RBFOX1: variants seen among roughly 807,000 people sequenced by gnomAD.
RBFOX1 encodes the protein RNA binding protein fox-1 homolog 1.
A neutral mutation model predicts 57.7 loss-of-function variants in RBFOX1; 8 were observed. The ratio of observed to expected loss-of-function variants is 0.14; its 90% CI spans 0.08 to 0.25. RBFOX1 has a LOEUF of 0.25. RBFOX1 is among the 10% of genes least tolerant of loss of function. The pLI, the probability that RBFOX1 is intolerant of heterozygous loss-of-function variation, is 1.00. For missense variants in RBFOX1, 611 were observed against 548.5 expected (o/e 1.11, Z -1.14); for synonymous variants, 326 against 222.4 (o/e 1.47, Z -4.15).
chr16:7,024,083 G>A (rs569340934), intron 3 of RBFOX1, among the ~76,000 whole-genome samples: 1 of 152,086 alleles, frequency 6.6e-6, no homozygotes, highest in Non-Finnish European at 1.5e-5. Flanking sequence ...AGCAGGGTGT[G>A]GCTTGGCTTA....
intron 2 of RBFOX1, among the ~76,000 whole-genome samples, chr16:6,518,194 T>G (rs1297379957): frequency 1.3e-5 from 2 of 152,204 alleles, no homozygotes; most frequent in Non-Finnish European, 2.9e-5. Context: ...TTAAATAAAC[T>G]TGATAAGGTT....
intron 4 of RBFOX1, among the ~76,000 whole-genome samples, chr16:7,472,771 A>G (rs2061804293): frequency 6.6e-6 from 1 of 152,214 alleles, no homozygotes; most frequent in Admixed American, 6.5e-5. Flanking sequence ...ACTAAGGATA[A>G]AAGTTACAGA....
intron 3 of RBFOX1, among the ~76,000 whole-genome samples, chr16:5,700,070 G>C (rs1379852171): frequency 6.6e-6 from 1 of 152,162 alleles, no homozygotes; most frequent in Non-Finnish European, 1.5e-5. Context: ...CTGACCTCAT[G>C]ATCTGCCCGC....
intron 4 of RBFOX1, among the ~76,000 whole-genome samples, chr16:7,104,401 C>T (rs767340635): frequency 6.6e-6 from 1 of 152,084 alleles, no homozygotes; most frequent in Non-Finnish European, 1.5e-5. Flanking sequence ...GGACAGTATG[C>T]CCCTCTGATT....
At chr16:6,186,160 C>G (rs907925544) in intron 1 of RBFOX1, among the ~76,000 whole-genome samples, 1 of 152,136 alleles carries the variant, frequency 6.6e-6, no homozygotes, top group Non-Finnish European at 1.5e-5. Flanking sequence ...CAAAACAATG[C>G]CAAAAAAATC....
rs1264999343 is a variant in RBFOX1 at position 7,680,893 on chromosome 16, CACACACACGT to C, written c.995+4064_995+4073del. Among the ~76,000 whole-genome samples, 5 of 119,612 alleles carry C rather than the reference CACACACACGT, an allele frequency of 4.2e-5. No individual in the cohort carries two copies. The South Asian group carries it at 8.3e-4, about 20-fold the overall frequency. 78.5% of individuals were successfully genotyped at this position (119,612 alleles called of 152,430 possible). On this transcript the variant is annotated intron_variant, in intron 14 of 15. Coordinates refer to ENST00000550418, the MANE Select transcript of RBFOX1 (RefSeq NM_018723.4). ...ATGCCATATTATCTTCCTCTCTGCACACACACACGTACACACACACACACTCACTTGTGCC... is the reference window on the plus strand; with the variant it reads ...ATGCCATATTATCTTCCTCTCTGCACACACACACACACACTCACTTGTGCC...
At chr16:5,540,035 C>A (rs2044867907) in intron 2 of RBFOX1, among the ~76,000 whole-genome samples, 1 of 152,068 alleles carries the variant, frequency 6.6e-6, no homozygotes, top group African/African-American at 2.4e-5. Flanking sequence ...CTGATTTCTG[C>A]CAATCTTCTG....
At position 7,500,606 on chromosome 16, in the gene RBFOX1, G is replaced by A. The variant is rs1416529439; in HGVS notation, c.28-17541G>A. Reference sequence around the variant, plus strand: ...GTTTGATGCATTGGAAATACCTCTAGGGTTCATATCACTAGATATGATTTG... The same window carrying A: ...GTTTGATGCATTGGAAATACCTCTAAGGTTCATATCACTAGATATGATTTG... On this transcript the variant is annotated intron_variant, in intron 4 of 15. Coordinates refer to ENST00000550418, the MANE Select transcript of RBFOX1 (RefSeq NM_018723.4). Among the ~76,000 whole-genome samples, 3 of 152,254 alleles carry A rather than the reference G, an allele frequency of 2.0e-5. No individual in the cohort carries two copies. The South Asian group carries it at 6.2e-4, about 32-fold the overall frequency.
At position 7,518,134 on chromosome 16, in the gene RBFOX1, T is replaced by C. The variant is rs200813556; in HGVS notation, c.28-13T>C. ...GACGTTCTCTCCCTCTCTGCACCTT[T>C]TTGATTTTTCAGGGTAATCAGGAAG... On this transcript the variant is annotated splice_polypyrimidine_tract_variant and intron_variant, in intron 4 of 15. Coordinates refer to ENST00000550418, the MANE Select transcript of RBFOX1 (RefSeq NM_018723.4). The C allele has an allele frequency of 3.2e-5, 52 of 1,605,974 alleles. No homozygotes were observed. In the Admixed American group the frequency reaches 8.8e-4, roughly 27 times the overall value.
intron 3 of RBFOX1, among the ~76,000 whole-genome samples, chr16:6,746,942 C>G (rs1331354033): frequency 1.3e-5 from 2 of 152,090 alleles, no homozygotes; most frequent in East Asian, 3.9e-4. Context: ...AGGTGTCTCA[C>G]TTGGGCTCAA....
chr16:5,272,311 AC>A (rs1332729014), intron 1 of RBFOX1, among the ~76,000 whole-genome samples: 3 of 152,242 alleles, frequency 2.0e-5, no homozygotes, highest in Non-Finnish European at 2.9e-5. Flanking sequence ...AGATATCAAA[AC>A]ATCACATAAA....
chr16:6,907,247 C>G (rs958692484), intron 3 of RBFOX1, among the ~76,000 whole-genome samples: 4 of 152,068 alleles, frequency 2.6e-5, no homozygotes, highest in Non-Finnish European at 4.4e-5. Context: ...GGATGGCCCC[C>G]GAAGCAAAGC....
At chr16:5,573,774 C>T (rs540979571) in intron 2 of RBFOX1, among the ~76,000 whole-genome samples, 5 of 152,140 alleles carry the variant, frequency 3.3e-5, no homozygotes, top group Admixed American at 6.5e-5. Context: ...CCAGCCTGGG[C>T]AACATGGCAA....
At chr16:5,363,459 C>G (rs2065612205) in intron 1 of RBFOX1, among the ~76,000 whole-genome samples, 1 of 152,182 alleles carries the variant, frequency 6.6e-6, no homozygotes, top group African/African-American at 2.4e-5. Flanking sequence ...CCTTCTCTAG[C>G]TTCAGTTGCA....
intron 3 of RBFOX1, among the ~76,000 whole-genome samples, chr16:6,937,492 G>T (rs2077575981): frequency 6.6e-6 from 1 of 152,112 alleles, no homozygotes; most frequent in Non-Finnish European, 1.5e-5. Context: ...TATTCTGAGT[G>T]ACATAGGAGT....
At chr16:5,258,053 A>C (rs1211300436) in intron 1 of RBFOX1, among the ~76,000 whole-genome samples, 3 of 151,986 alleles carry the variant, frequency 2.0e-5, no homozygotes, top group Non-Finnish European at 4.4e-5. Context: ...TAATTTGTCT[A>C]TTTTTTGTAG....
At position 7,197,221 on chromosome 16, in the gene RBFOX1, C is replaced by T. The variant is rs548051243; in HGVS notation, c.27+145123C>T. Among the ~76,000 whole-genome samples, 19 of 152,204 alleles carry T rather than the reference C, an allele frequency of 1.2e-4. 1 individual carries two copies. The South Asian group carries it at 3.5e-3, about 28-fold the overall frequency. ...GGCTCTTCCAAGCCTCCTTCATAGC[C>T]GTTGTCTTTAGGGATGAAGAAAATG... On this transcript the variant is annotated intron_variant, in intron 4 of 15. Transcript: ENST00000550418.
intron 1 of RBFOX1, among the ~76,000 whole-genome samples, chr16:6,312,762 C>T (rs1265357078): frequency 6.6e-6 from 1 of 151,342 alleles, no homozygotes; most frequent in Non-Finnish European, 1.5e-5. Flanking sequence ...CTCCCTCCGT[C>T]CCTCCCTGTT....
At chr16:6,451,619 C>A (rs766554037) in intron 2 of RBFOX1, among the ~76,000 whole-genome samples, 1 of 152,194 alleles carries the variant, frequency 6.6e-6, no homozygotes, top group Non-Finnish European at 1.5e-5. Flanking sequence ...TTAGATACTT[C>A]CTGGTCATCT....
Sources: allele counts gnomAD v4.1 joint callset (sites outside exome capture counted in the v4.1 genomes callset), GRCh38; gene constraint gnomAD v4.1.1; transcripts MANE v1.5; gene names NCBI Gene and HGNC (gene_info 2026-07-23, HGNC 2026-07-21).